PAN3: variants seen among roughly 807,000 people sequenced by gnomAD.
PAN3 encodes the protein poly(A) specific ribonuclease subunit PAN3, also known as PAN2-PAN3 deadenylation complex subunit PAN3.
In PAN3, 19 loss-of-function variants were observed where a neutral mutation model predicts 96.2. The ratio of observed to expected loss-of-function variants is 0.20; its 90% confidence interval spans 0.14 to 0.29. PAN3 has a LOEUF of 0.29. PAN3 is among the 10% of genes least tolerant of loss of function. The pLI is 1.00. For synonymous variants in PAN3, 433 were observed against 406.6 expected (o/e 1.06, Z -0.78); for missense variants, 882 against 1,108.1 (o/e 0.80, Z 2.90).
At chr13:28,149,490 T>G (rs1253126996) in intron 1 of PAN3, among the ~76,000 whole-genome samples, 1 of 152,216 alleles carries the variant, frequency 6.6e-6, no homozygotes, top group Non-Finnish European at 1.5e-5. Flanking sequence ...ATAAATCGCG[T>G]CTTTGGTAAC....
chr13:28,144,672 C>T (rs1593349194), intron 1 of PAN3, among the ~76,000 whole-genome samples: 4 of 151,552 alleles, frequency 2.6e-5, no homozygotes, highest in African/African-American at 9.7e-5. Context: ...TTTGAAATGA[C>T]CCTTTAAGAA....
chr13:28,260,944 T>A (rs1183111475), intron 8 of PAN3, among the ~76,000 whole-genome samples: 4 of 152,360 alleles, frequency 2.6e-5, no homozygotes, highest in Admixed American at 2.0e-4. Flanking sequence ...TTTAAAAGAA[T>A]GTTTTTTAAA....
intron 4 of PAN3, among the ~76,000 whole-genome samples, chr13:28,192,714 G>T (rs573809270): frequency 6.6e-6 from 1 of 152,184 alleles, no homozygotes; most frequent in Non-Finnish European, 1.5e-5. Context: ...TAAGGTGTGT[G>T]TTGTGTTCCA....
chr13:28,182,580 G>A (rs1180049585), intron 4 of PAN3, among the ~76,000 whole-genome samples: 4 of 152,146 alleles, frequency 2.6e-5, no homozygotes, highest in Non-Finnish European at 5.9e-5. Flanking sequence ...AGGAGGCAAA[G>A]ACTTTTGAAG....
intron 4 of PAN3, among the ~76,000 whole-genome samples, chr13:28,186,873 G>C (rs967136589): frequency 6.6e-6 from 1 of 151,998 alleles, no homozygotes; most frequent in Non-Finnish European, 1.5e-5. Context: ...AAACTTTAAT[G>C]ATCATTACAA....
At chr13:28,180,099 A>G (rs78119988) in intron 4 of PAN3, among the ~76,000 whole-genome samples, 1 of 152,172 alleles carries the variant, frequency 6.6e-6, no homozygotes, top group Non-Finnish European at 1.5e-5. Context: ...TGGATCTCCC[A>G]TTTTGTGACC....
chr13:28,249,947 A>G (rs537877986), intron 6 of PAN3, among the ~76,000 whole-genome samples: 4 of 152,308 alleles, frequency 2.6e-5, no homozygotes, highest in African/African-American at 7.2e-5. Context: ...TTCTTTCACC[A>G]TGGAGATGCT....
At chr13:28,250,192 C>T (rs1884586892) in intron 6 of PAN3, among the ~76,000 whole-genome samples, 1 of 150,614 alleles carries the variant, frequency 6.6e-6, no homozygotes, top group Admixed American at 6.6e-5. Flanking sequence ...ACTTATTTTG[C>T]TCAGAACTCT....
At chr13:28,217,601 A>G (rs944989819) in intron 5 of PAN3, among the ~76,000 whole-genome samples, 2 of 145,320 alleles carry the variant, frequency 1.4e-5, no homozygotes, top group African/African-American at 5.2e-5. Context: ...AAAAAAACAA[A>G]AAAAAAATTG....
At chr13:28,243,586 T>G (rs748993438) in intron 6 of PAN3, among the ~76,000 whole-genome samples, 7 of 152,248 alleles carry the variant, frequency 4.6e-5, no homozygotes, top group Non-Finnish European at 1.0e-4. Context: ...CCACACAGCC[T>G]TTTAATAATG....
intron 1 of PAN3, among the ~76,000 whole-genome samples, chr13:28,165,360 A>G (rs1469391920): frequency 7.2e-6 from 1 of 138,804 alleles, no homozygotes; most frequent in Non-Finnish European, 1.5e-5. Context: ...GGCTCAAGTG[A>G]TAATACCACC....
At chr13:28,227,495 A>G (rs765528432) in intron 6 of PAN3, among the ~76,000 whole-genome samples, 1 of 152,118 alleles carries the variant, frequency 6.6e-6, no homozygotes, top group Non-Finnish European at 1.5e-5. Flanking sequence ...GACTGCTTTC[A>G]GTGTATTATG....
At chr13:28,279,945 G>A (rs1184555669) in intron 15 of PAN3, among the ~76,000 whole-genome samples, 4 of 151,442 alleles carry the variant, frequency 2.6e-5, no homozygotes, top group African/African-American at 7.3e-5. Context: ...GACTACAGGT[G>A]CCCGCCACCA....
At chr13:28,174,215 A>G in intron 1 of PAN3, 57 bp from the exon 2 acceptor site, 1 of 1,535,200 alleles carries the variant, frequency 6.5e-7, no homozygotes, top group Non-Finnish European at 8.9e-7. Flanking sequence ...CAGAAGTGAA[A>G]TCAATGTTTC....
At chr13:28,195,743 C>T (rs1407245629) in intron 4 of PAN3, among the ~76,000 whole-genome samples, 4 of 151,898 alleles carry the variant, frequency 2.6e-5, no homozygotes, top group Admixed American at 2.6e-4. Flanking sequence ...ACCATGTTGG[C>T]TAGGGCTGGT....
chr13:28,257,737 A>AT (rs1566235090), intron 7 of PAN3, among the ~76,000 whole-genome samples: 2 of 110,546 alleles, frequency 1.8e-5, no homozygotes, highest in African/African-American at 6.2e-5. Context: ...ATTATATATA[A>AT]ATTATATATA....
chr13:28,272,184 G>T, intron 14 of PAN3, 113 bp downstream of exon 14: 1 of 681,562 alleles, frequency 1.5e-6, no homozygotes, highest in South Asian at 2.5e-5. Context: ...TTTTGGGGTG[G>T]TGTCTATGCA....
chr13:28,266,947 A>T (rs1886235882), intron 10 of PAN3, 71 bp downstream of exon 10: 1 of 1,301,124 alleles, frequency 7.7e-7, no homozygotes, highest in East Asian at 2.6e-5. Flanking sequence ...CTTCTTGAAT[A>T]TATTATTTAA....
rs1877015761 is a variant in PAN3 at position 28,189,880 on chromosome 13, G to C, written c.691-7305G>C. Among the ~76,000 whole-genome samples, 3 of 152,166 alleles carry C rather than the reference G, an allele frequency of 2.0e-5. No individual in the cohort carries two copies. In the South Asian group the frequency reaches 6.2e-4, roughly 31 times the overall value. ...CTATTGTTTGAGAAGTGCTACTCTA[G>C]AATATATTTTCAAACCTTTTCTTCT... On this transcript the variant is annotated intron_variant, in intron 4 of 18. Transcript: ENST00000380958.
Sources: allele counts gnomAD v4.1 joint callset (sites outside exome capture counted in the v4.1 genomes callset), GRCh38; gene constraint gnomAD v4.1.1; transcripts MANE v1.5; gene names NCBI Gene and HGNC (gene_info 2026-07-23, HGNC 2026-07-21).